Variants in SAP30BP observed in about 807,000 individuals in gnomAD.
SAP30BP encodes SAP30-binding protein.
Under a neutral mutation model 46.3 loss-of-function variants are expected in SAP30BP, and 31 were observed. The observed-to-expected ratio is 0.67, with a 90% confidence interval of 0.50 to 0.90. The LOEUF (loss-of-function observed/expected upper bound fraction) is 0.90, where lower values mean the gene tolerates loss of function less well. Ranked by LOEUF, SAP30BP falls within the 40% of genes least tolerant of loss-of-function variation. The pLI, the probability that SAP30BP is intolerant of heterozygous loss-of-function variation, is 0.00. For missense variants in SAP30BP, 312 were observed against 391.0 expected (o/e 0.80, Z 1.70); for synonymous variants, 169 against 144.2 (o/e 1.17, Z -1.23).
chr17:75,675,207 A>G (rs2059972544), intron 3 of SAP30BP, among the ~76,000 whole-genome samples: 6 of 152,056 alleles, frequency 3.9e-5, no homozygotes, highest in South Asian at 4.2e-4. Context: ...CTGGAGTGCA[A>G]TGGCGCAATC....
chr17:75,667,652 A>G (rs1243952256), intron 1 of SAP30BP, among the ~76,000 whole-genome samples, 174 bp downstream of exon 1: 2 of 152,208 alleles, frequency 1.3e-5, no homozygotes, highest in Non-Finnish European at 2.9e-5. Context: ...AAGAATGAAG[A>G]ATCTCCTTCC....
chr17:75,698,851 C>T (rs1333752318), intron 4 of SAP30BP, among the ~76,000 whole-genome samples: 1 of 152,244 alleles, frequency 6.6e-6, no homozygotes, highest in Non-Finnish European at 1.5e-5. Context: ...CCACGCCCAG[C>T]TGGTCATTAA....
At chr17:75,701,788 G>A (rs985214927) in intron 5 of SAP30BP, among the ~76,000 whole-genome samples, 4 of 152,182 alleles carry the variant, frequency 2.6e-5, no homozygotes, top group Admixed American at 6.5e-5. Flanking sequence ...TTTAGTCCCT[G>A]CGTATCAACA....
At chr17:75,690,512 AG>A (rs1306789445) in intron 3 of SAP30BP, among the ~76,000 whole-genome samples, 1 of 152,100 alleles carries the variant, frequency 6.6e-6, no homozygotes, top group Non-Finnish European at 1.5e-5. Flanking sequence ...CAGCCTCCCA[AG>A]TAGCTAGGAC....
chr17:75,684,858 T>G (rs2060133782), intron 3 of SAP30BP: 3 of 152,228 alleles, frequency 2.0e-5, no homozygotes, highest in Admixed American at 1.3e-4. Context: ...CCAAGCCTGC[T>G]TTGGCTTTGT....
rs752616408 is a variant in SAP30BP at position 75,693,471 on chromosome 17, A to G, written c.296A>G (p.Gln99Arg). The change falls in exon 4 of 11, where the codon CAG (glutamine) becomes CGG (arginine). Residue 99 changes from glutamine (Q) to arginine (R), a missense_variant. Transcript: ENST00000584667. ...ACAGAAGCAGAAAAGCGAGACCCCC[A>G]GGAACTCGTGGGTGAGTATTGGGGG... The part of the protein sequence containing the change: ...DNTEAEKRDP[Q>R]ELVASFSERV... The G allele has an allele frequency of 6.2e-7, 1 of 1,614,014 alleles. No homozygotes were observed. Among genetic ancestry groups the G allele is most frequent in the Non-Finnish European group, 8.5e-7 (1 of 1,179,912 alleles).
intron 3 of SAP30BP, chr17:75,684,451 A>G (rs2148393176): frequency 6.6e-6 from 1 of 152,310 alleles, no homozygotes; most frequent in South Asian, 2.1e-4. Flanking sequence ...GAACAAAATT[A>G]CAGTATGACT....
chr17:75,676,378 T>C lies in SAP30BP; in HGVS notation c.264+4515T>C, dbSNP rs573734174. 1.3e-4 allele frequency among the ~76,000 whole-genome samples: 20 copies of C among 152,382 alleles called. No homozygotes were observed. The South Asian group carries it at 3.3e-3, about 25-fold the overall frequency. On this transcript the variant is annotated intron_variant, in intron 3 of 10. Coordinates refer to ENST00000584667, the MANE Select transcript of SAP30BP (RefSeq NM_013260.8). The stretch of plus-strand genomic sequence containing the variant: ...AAGTAGTATTTATTAGTGACATCAC[T>C]AATCTCATCAGAAAATCATTAAATG...
chr17:75,690,623 G>A (rs1019355432), intron 3 of SAP30BP: 31 of 454,032 alleles, frequency 6.8e-5, no homozygotes, highest in East Asian at 1.4e-4. Flanking sequence ...CTGACCAAGC[G>A]AGCACTTTAG....
chr17:75,668,586 T>C lies in SAP30BP; in HGVS notation c.177T>C (p.Asp59=), dbSNP rs774441437. 3 of 1,607,502 alleles carry C rather than the reference T, an allele frequency of 1.9e-6. No homozygotes were observed. The highest frequency in any genetic ancestry group is 2.2e-5 in the South Asian group (2 of 89,752). Residue 59 remains aspartate, a synonymous_variant, in exon 2 of 11, where the codon GAT becomes GAC. Coordinates refer to ENST00000584667, the MANE Select transcript of SAP30BP (RefSeq NM_013260.8). ...DDFSRLGGDE[D]GYEEEEDENS... is the part of the protein sequence containing the mutation. ...TTTCTCGTCTAGGGGGTGATGAAGATGGTTATGAAGAAGAAGAAGATGAGA... is the reference window on the plus strand; with the variant it reads ...TTTCTCGTCTAGGGGGTGATGAAGACGGTTATGAAGAAGAAGAAGATGAGA...
chr17:75,699,813 C>T lies in SAP30BP; in HGVS notation c.338C>T (p.Ser113Leu), dbSNP rs370083040. The stretch of plus-strand genomic sequence containing the variant: ...TTTTCTGAAAGAGTTCGGAACATGT[C>T]GCCTGATGAAATCAAGATCCCGCCA... ...ASFSERVRNM[S>L]PDEIKIPPEP... Residue 113 changes from serine (S) to leucine (L), a missense_variant, in exon 5 of 11, where the codon TCG becomes TTG. By Grantham distance (145) the Ser-to-Leu change is moderately radical. This residue lies in a region of SAP30BP where 296 missense variants were observed against 346.6 expected (regional missense o/e 0.85). Transcript: ENST00000584667. 51 of 1,613,382 alleles carry T rather than the reference C, an allele frequency of 3.2e-5. No homozygotes were observed. The highest frequency in any genetic ancestry group is 4.2e-5 in the Non-Finnish European group (50 of 1,179,556).
chr17:75,669,434 G>A (rs1343578633), intron 2 of SAP30BP, among the ~76,000 whole-genome samples: 1 of 151,914 alleles, frequency 6.6e-6, no homozygotes, highest in Non-Finnish European at 1.5e-5. Context: ...TCACAGAGAC[G>A]GTTTCACCAT....
intron 4 of SAP30BP, among the ~76,000 whole-genome samples, chr17:75,695,078 C>T (rs2060297197): frequency 7.8e-6 from 1 of 127,688 alleles, no homozygotes; most frequent in Non-Finnish European, 1.7e-5. Flanking sequence ...CTCCCTCAGC[C>T]TCAGGCAAGC....
intron 2 of SAP30BP, among the ~76,000 whole-genome samples, chr17:75,669,155 A>G (rs1013229288): frequency 2.6e-5 from 4 of 151,424 alleles, no homozygotes; most frequent in African/African-American, 9.7e-5. Context: ...ATAGTTCACT[A>G]CAGTCTTGAA....
intron 3 of SAP30BP, among the ~76,000 whole-genome samples, chr17:75,674,690 G>GTTTTTTGTT (rs2059958847): frequency 7.6e-5 from 3 of 39,578 alleles, no homozygotes; most frequent in Non-Finnish European, 1.2e-4. Context: ...TTTTTTGTTT[G>GTTTTTTGTT]TTTTTTGTTT....
At chr17:75,667,626 T>A (rs1481614350) in intron 1 of SAP30BP, 148 bp downstream of exon 1, 2 of 659,394 alleles carry the variant, frequency 3.0e-6, no homozygotes, top group African/African-American at 1.8e-5. Context: ...AGATAGAGCA[T>A]TAGAGACTGT....
chr17:75,690,957 G>A (rs558510160), intron 3 of SAP30BP, among the ~76,000 whole-genome samples: 1 of 152,290 alleles, frequency 6.6e-6, no homozygotes, highest in African/African-American at 2.4e-5. Context: ...AGCTGGCCAG[G>A]CTACTTCATG....
chr17:75,695,234 G>A (rs1201336902), intron 4 of SAP30BP, among the ~76,000 whole-genome samples: 2 of 152,250 alleles, frequency 1.3e-5, no homozygotes, highest in East Asian at 1.9e-4. Context: ...GTGTTTAGCA[G>A]TGTCCTTGGT....
At position 75,702,600 on chromosome 17, in the gene SAP30BP, A is replaced by G. The variant is rs8070732; in HGVS notation, c.488+29A>G. 26,661 of 1,125,816 alleles carry G rather than the reference A, an allele frequency of 0.024. 3,117 individuals carry two copies. In the African/African-American group the frequency reaches 0.3, roughly 13 times the overall value. 69.7% of individuals were successfully genotyped at this position (1,125,816 alleles called of 1,614,324 possible). The stretch of plus-strand genomic sequence containing the variant: ...AGTTTCCCTTGAGCCTGCAGAGTTT[A>G]TTGAGTTATTAATGTTGGACTAAGG... On this transcript the variant is annotated intron_variant, in intron 6 of 10. Transcript: ENST00000584667.
Sources: gnomAD v4.1 joint callset for allele counts (sites outside exome capture counted in the v4.1 genomes callset) on GRCh38, gnomAD v4.1.1 for gene constraint, gnomAD v4.1.1 regional missense constraint, MANE v1.5 for transcripts, NCBI Gene and HGNC (gene_info 2026-07-23, HGNC 2026-07-21) for gene names.